The following PGBD5 variants were observed in gnomAD, a reference collection of about 807,000 sequenced individuals.
PGBD5 encodes piggyBac transposable element-derived protein 5.
PGBD5 carries 14 observed loss-of-function variants against 47.9 expected under a neutral mutation model. The ratio of observed to expected loss-of-function variants is 0.29; its 90% confidence interval spans 0.19 to 0.46. The LOEUF is 0.46. PGBD5 is among the 20% of genes least tolerant of loss of function. The pLI, the probability that PGBD5 is intolerant of heterozygous loss-of-function variation, is 1.00. For missense variants in PGBD5, 635 were observed against 716.0 expected (o/e 0.89, Z 1.29); for synonymous variants, 316 against 306.3 (o/e 1.03, Z -0.33).
intron 1 of PGBD5, among the ~76,000 whole-genome samples, chr1:230,400,666 G>GAAATGTT (rs113844676): frequency 0.11 from 14,054 of 131,528 alleles, 794 homozygotes; most frequent in South Asian, 0.23. Context: ...TTCTTTCTTA[G>GAAATGTT]AAATGTTAAA....
In PGBD5 at chr1:230,421,134, C is replaced by A. The variant is rs868677325; in HGVS notation, c.331+4464G>T. Among the ~76,000 whole-genome samples, 8 of 152,258 alleles carry A rather than the reference C, an allele frequency of 5.3e-5. No homozygotes were observed. The Middle Eastern group carries it at 0.01, about 194-fold the overall frequency. On this transcript the variant is annotated intron_variant, in intron 1 of 6. Transcript: ENST00000391860. ...GCTCTGAGTACTCATTAGGACAACT[C>A]GGGACAGCAAGGATTAAACAGGGAG...
chr1:230,337,020 C>G, intron 4 of PGBD5, 88 bp downstream of exon 4: 2 of 1,443,794 alleles, frequency 1.4e-6, no homozygotes, highest in Non-Finnish European at 9.5e-7. Flanking sequence ...TGGTGGCCAC[C>G]ACGTATCTGC....
At chr1:230,412,780 G>C (rs1373717520) in intron 1 of PGBD5, among the ~76,000 whole-genome samples, 1 of 152,158 alleles carries the variant, frequency 6.6e-6, no homozygotes, top group Non-Finnish European at 1.5e-5. Context: ...CTCAGGGGTG[G>C]AGGTGGAAGA....
At chr1:230,348,305 A>G (rs16851535) in intron 3 of PGBD5, among the ~76,000 whole-genome samples, 4,320 of 152,298 alleles carry the variant, frequency 0.028, 134 homozygotes, top group African/African-American at 0.076. Flanking sequence ...TTCCAGAGCA[A>G]TGACTGAGCA....
intron 1 of PGBD5, among the ~76,000 whole-genome samples, chr1:230,422,504 C>A (rs1657670671): frequency 6.6e-6 from 1 of 152,170 alleles, no homozygotes; most frequent in Non-Finnish European, 1.5e-5. Context: ...TCCCAGTAGG[C>A]ATTTCAGCTC....
chr1:230,368,228 G>A, intron 1 of PGBD5: 1 of 1,276,060 alleles, frequency 7.8e-7, no homozygotes, highest in South Asian at 1.4e-5. Context: ...AATATACATG[G>A]ACTTGGGATT....
intron 5 of PGBD5, among the ~76,000 whole-genome samples, chr1:230,326,471 T>G (rs1470087466): frequency 3.3e-5 from 5 of 152,196 alleles, no homozygotes; most frequent in Non-Finnish European, 7.3e-5. Flanking sequence ...TATCATTATT[T>G]TTTTAGATAT....
intron 1 of PGBD5, among the ~76,000 whole-genome samples, chr1:230,374,415 T>G (rs1667981236): frequency 6.6e-6 from 1 of 152,040 alleles, no homozygotes; most frequent in Admixed American, 6.5e-5. Flanking sequence ...AGACTCCATC[T>G]CAAAAAGGAA....
Position 230,424,436 on chromosome 1 carries a change from C to T in PGBD5, c.331+1162G>A, listed in dbSNP as rs146446934. On this transcript the variant is annotated intron_variant, in intron 1 of 6. Coordinates refer to ENST00000391860, the MANE Select transcript of PGBD5 (RefSeq NM_001258311.2). ...TTAGCTCCGCGCATCCACACCGCAGCCTGCCAGAGGTCTGCAGACCACTCC... is the reference window on the plus strand; with the variant it reads ...TTAGCTCCGCGCATCCACACCGCAGTCTGCCAGAGGTCTGCAGACCACTCC... 8.0e-3 allele frequency among the ~76,000 whole-genome samples: 1,226 copies of T among 152,336 alleles called. 16 individuals are homozygous for T. The highest frequency in any genetic ancestry group is 0.028 in the African/African-American group (1,182 of 41,574).
At chr1:230,416,253 G>C (rs941054555) in intron 1 of PGBD5, among the ~76,000 whole-genome samples, 2 of 152,074 alleles carry the variant, frequency 1.3e-5, no homozygotes, top group African/African-American at 4.8e-5. Flanking sequence ...GGTGTCTCTG[G>C]GGTAAGAAAC....
At chr1:230,329,128 G>GT (rs1251036962) in intron 5 of PGBD5, among the ~76,000 whole-genome samples, 1 of 151,278 alleles carries the variant, frequency 6.6e-6, no homozygotes, top group Non-Finnish European at 1.5e-5. Flanking sequence ...TTTTTGGGGG[G>GT]GGAGGTGGTA....
At chr1:230,362,393 T>C in intron 1 of PGBD5, 1 of 1,357,918 alleles carries the variant, frequency 7.4e-7, no homozygotes. Flanking sequence ...TGACAGACAG[T>C]TGTGGAGGCT....
intron 3 of PGBD5, among the ~76,000 whole-genome samples, chr1:230,340,984 G>A (rs887714414): frequency 3.3e-5 from 5 of 152,118 alleles, no homozygotes; most frequent in African/African-American, 1.2e-4. Flanking sequence ...GACAGGCACT[G>A]AGCTAAAGGC....
rs546876147 is a variant in PGBD5, at chr1:230,375,447, C to G, written c.332-18126G>C. Among the ~76,000 whole-genome samples the G allele has an allele frequency of 2.0e-5, 3 of 152,246 alleles. No homozygotes were observed. The South Asian group carries it at 6.2e-4, about 32-fold the overall frequency. On this transcript the variant is annotated intron_variant, in intron 1 of 6. Coordinates refer to ENST00000391860, the MANE Select transcript of PGBD5 (RefSeq NM_001258311.2). ...CAGACACACAAGGAAGTCACCCCCT[C>G]CTGCACTGCACTCTCATCTTCCAAT...
intron 2 of PGBD5, among the ~76,000 whole-genome samples, chr1:230,353,208 C>T (rs1403666863): frequency 2.0e-5 from 3 of 152,206 alleles, no homozygotes; most frequent in East Asian, 3.9e-4. Flanking sequence ...CCAGGCTACA[C>T]ATGGGTCAGC....
chr1:230,317,257 T>C lies in PGBD5; in HGVS notation c.*6168A>G, dbSNP rs1242190530. 6.6e-6 allele frequency: 1 copy of C among 152,304 alleles called. No individual in the cohort carries two copies. The highest frequency in any genetic ancestry group is 1.9e-4 in the East Asian group (1 of 5,190). 9.4% of individuals were successfully genotyped at this position (152,304 alleles called of 1,614,324 possible). On this transcript the variant is annotated 3_prime_UTR_variant, in exon 7 of 7. Coordinates refer to ENST00000391860, the MANE Select transcript of PGBD5 (RefSeq NM_001258311.2). ...AGCACAATGCCTGGCCTGTAGCAGT[T>C]CAGAAGCAGCAGTGGCTGAGAACCA...
chr1:230,349,314 GC>G (rs1667525585), intron 3 of PGBD5, among the ~76,000 whole-genome samples: 1 of 152,192 alleles, frequency 6.6e-6, no homozygotes, highest in East Asian at 1.9e-4. Context: ...GATCACTTGA[GC>G]CCAGGAGTTC....
intron 1 of PGBD5, among the ~76,000 whole-genome samples, chr1:230,423,044 C>T (rs1657694178): frequency 1.3e-5 from 2 of 151,890 alleles, no homozygotes; most frequent in Admixed American, 1.3e-4. Context: ...AACCAAAAAC[C>T]TAGCACAAGC....
chr1:230,332,186 G>A (rs16860220), intron 5 of PGBD5, among the ~76,000 whole-genome samples: 9,879 of 152,204 alleles, frequency 0.065, 1,059 homozygotes, highest in African/African-American at 0.22. Context: ...TACCTCATTC[G>A]TCGTCATTTG....
Sources: allele counts gnomAD v4.1 joint callset (sites outside exome capture counted in the v4.1 genomes callset), GRCh38; gene constraint gnomAD v4.1.1; transcripts MANE v1.5; gene names NCBI Gene and HGNC (gene_info 2026-07-23, HGNC 2026-07-21).